The following TF variants were observed in gnomAD, a reference collection of about 807,000 sequenced individuals.
The protein encoded by TF is transferrin.
In TF, 55 loss-of-function variants were observed where a neutral mutation model predicts 82.4. The ratio of observed to expected loss-of-function variants is 0.67; its 90% CI spans 0.54 to 0.84. TF has a LOEUF of 0.84. Ranked by LOEUF, TF falls within the 40% of genes least tolerant of loss-of-function variation. The pLI is 0.00. For synonymous variants in TF, 332 were observed against 332.6 expected (o/e 1.00, Z 0.02); for missense variants, 737 against 868.4 (o/e 0.85, Z 1.90).
chr3:133,684,315 A>G, the TF span, among the ~76,000 whole-genome samples: 2 of 152,346 alleles, frequency 1.3e-5, no homozygotes, highest in South Asian at 4.1e-4. Flanking sequence ...GAGCAAACGC[A>G]TTCAAAAGCT....
At chr3:133,728,787 A>G in the TF span, among the ~76,000 whole-genome samples, 1 of 151,824 alleles carries the variant, frequency 6.6e-6, no homozygotes, top group Non-Finnish European at 1.5e-5. Context: ...TTGTGGTTTT[A>G]TCTACTTTTG....
chr3:133,753,966 C>A, intron 3 of TF: 2 of 573,790 alleles, frequency 3.5e-6, no homozygotes, highest in Non-Finnish European at 6.2e-6. Flanking sequence ...AGGCTGTGTG[C>A]AGCTTGACCT....
In TF at chr3:133,781,060, T is replaced by A. The variant is rs1934506062; in HGVS notation, c.*2440T>A. 1 of 152,064 alleles carries A rather than the reference T, an allele frequency of 6.6e-6. No individual in the cohort carries two copies. The highest frequency in any genetic ancestry group is 1.5e-5 in the Non-Finnish European group (1 of 68,050). The allele number at this position is 152,064 out of a possible 1,614,324, so 9.4% of individuals were successfully genotyped here. A position where few individuals can be genotyped will look rare whatever the true frequency, so the allele number is the denominator to read the frequency against. On this transcript the variant is annotated 3_prime_UTR_variant, in exon 17 of 17. Transcript: ENST00000402696. ...TAGGCAGGGCGTGGTGGCTCACACC[T>A]GTAATCTCAGCACTTTGGGAGGCCA...
In TF at chr3:133,784,477, T is replaced by TA. The variant is rs1236645340; in HGVS notation, c.*5859dup. ...AAATTCCCATTTGTTAAAAAAATAATAATAATAATAATAATAATAATAATA... is the reference window on the plus strand; with the variant it reads ...AAATTCCCATTTGTTAAAAAAATAATAAATAATAATAATAATAATAATAATA... On this transcript the variant is annotated 3_prime_UTR_variant, in exon 17 of 17. Coordinates refer to ENST00000402696, the MANE Select transcript of TF (RefSeq NM_001063.4). The TA allele has an allele frequency of 8.7e-6, 1 of 114,848 alleles. No homozygotes were observed. The highest frequency in any genetic ancestry group is 3.7e-5 in the African/African-American group (1 of 26,716). 7.1% of individuals were successfully genotyped at this position (114,848 alleles called of 1,614,324 possible).
the TF span, among the ~76,000 whole-genome samples, chr3:133,720,230 T>G: frequency 3.3e-5 from 5 of 152,190 alleles, no homozygotes; most frequent in African/African-American, 1.2e-4. Flanking sequence ...ATGTTAGCTA[T>G]GGGTCTGTAA....
At chr3:133,665,083 G>A in the TF span, 1 of 152,192 alleles carries the variant, frequency 6.6e-6, no homozygotes, top group Admixed American at 6.5e-5. Flanking sequence ...GGAGGCCCAG[G>A]CTGGAGGATC....
chr3:133,715,389 G>T, the TF span, among the ~76,000 whole-genome samples: 1 of 152,118 alleles, frequency 6.6e-6, no homozygotes, highest in African/African-American at 2.4e-5. Context: ...TCCTACTGGG[G>T]TGAACTGGCT....
chr3:133,766,188 T>A, intron 11 of TF, 90 bp from the exon 12 acceptor site: 1 of 1,269,480 alleles, frequency 7.9e-7, no homozygotes, highest in Non-Finnish European at 1.2e-6. Context: ...ATTGAGGATA[T>A]CTTTGCTTCC....
At chr3:133,716,817 T>A in the TF span, among the ~76,000 whole-genome samples, 2 of 152,198 alleles carry the variant, frequency 1.3e-5, no homozygotes, top group African/African-American at 4.8e-5. Context: ...TGCAACCTCA[T>A]CTACTTCTTT....
At chr3:133,696,793 CTTT>C in the TF span, among the ~76,000 whole-genome samples, 3 of 142,002 alleles carry the variant, frequency 2.1e-5, no homozygotes, top group Non-Finnish European at 3.2e-5. Context: ...ACTTCTTCTT[CTTT>C]TTTTTTTTTA....
chr3:133,757,634 G>A, intron 7 of TF, 135 bp from the exon 8 acceptor site: 2 of 831,256 alleles, frequency 2.4e-6, no homozygotes, highest in South Asian at 1.5e-5. Context: ...GCAGGAGCAG[G>A]TCCGACTGCC....
intron 3 of TF, chr3:133,754,191 G>A (rs544026581): frequency 2.2e-6 from 1 of 447,014 alleles, no homozygotes; most frequent in East Asian, 4.7e-5. Flanking sequence ...TTTCCTGGTG[G>A]CTGAGGTTGG....
In TF at chr3:133,779,724, A is replaced by G. The variant is rs1934476042; in HGVS notation, c.*1104A>G. The stretch of plus-strand genomic sequence containing the variant: ...TATAGCTGTGACCCCAGCCTCCAGC[A>G]GTATCCCTGCACTTATACATCCTAC... On this transcript the variant is annotated 3_prime_UTR_variant, in exon 17 of 17. Transcript: ENST00000402696. 2.0e-5 allele frequency: 3 copies of G among 152,348 alleles called. No homozygotes were observed. Among genetic ancestry groups the G allele is most frequent in the Admixed American group, 2.0e-4 (3 of 15,270 alleles). 9.4% of individuals were successfully genotyped at this position (152,348 alleles called of 1,614,324 possible). A position where few individuals can be genotyped will look rare whatever the true frequency, so the allele number is the denominator to read the frequency against.
the TF span, among the ~76,000 whole-genome samples, chr3:133,732,176 C>T: frequency 2.6e-5 from 4 of 152,158 alleles, no homozygotes; most frequent in Admixed American, 1.3e-4. Flanking sequence ...AGGTGATTTA[C>T]AGTAATTACT....
intron 11 of TF, among the ~76,000 whole-genome samples, 193 bp downstream of exon 11, chr3:133,765,100 T>C (rs2107924648): frequency 6.6e-6 from 1 of 152,300 alleles, no homozygotes; most frequent in East Asian, 1.9e-4. Context: ...ACACAGGATT[T>C]TTCATTTAAT....
the TF span, among the ~76,000 whole-genome samples, chr3:133,708,551 T>C: frequency 6.6e-6 from 1 of 152,024 alleles, no homozygotes; most frequent in Admixed American, 6.6e-5. Context: ...AGGCAGGGGC[T>C]AGCAGCAGTA....
the TF span, among the ~76,000 whole-genome samples, chr3:133,728,701 CT>C: frequency 1.3e-5 from 2 of 152,206 alleles, no homozygotes; most frequent in Non-Finnish European, 2.9e-5. Flanking sequence ...TGGTGAGGAA[CT>C]GCATTCCTTT....
the TF span, among the ~76,000 whole-genome samples, chr3:133,722,891 A>G: frequency 5.3e-4 from 81 of 152,288 alleles, 2 homozygotes; most frequent in African/African-American, 1.8e-3. Flanking sequence ...ATGTGTTTTT[A>G]ATGACAGTAA....
chr3:133,695,245 C>CTTTTTTTTTT, the TF span, among the ~76,000 whole-genome samples: 1 of 100,344 alleles, frequency 1.0e-5, no homozygotes, highest in African/African-American at 3.9e-5. Flanking sequence ...GGAGCTGGTT[C>CTTTTTTTTTT]TTTTTTTTTT....
Sources: gnomAD v4.1 joint callset for allele counts (sites outside exome capture counted in the v4.1 genomes callset) on GRCh38, gnomAD v4.1.1 for gene constraint, MANE v1.5 for transcripts, NCBI Gene and HGNC (gene_info 2026-07-23, HGNC 2026-07-21) for gene names.